Variants in ITPA observed in about 807,000 individuals in gnomAD.
The protein encoded by ITPA is inosine triphosphatase.
ITPA carries 29 observed loss-of-function variants against 29.6 expected under a neutral mutation model. The ratio of observed to expected loss-of-function variants is 0.98; its 90% CI spans 0.73 to 1.34. The LOEUF (loss-of-function observed/expected upper bound fraction) is 1.34, where lower values mean the gene tolerates loss of function less well. ITPA is among the 40% of genes most tolerant of loss of function. The pLI is 0.00. For missense variants in ITPA, 241 were observed against 251.5 expected (o/e 0.96, Z 0.28); for synonymous variants, 103 against 99.3 (o/e 1.04, Z -0.22).
upstream of ITPA, among the ~76,000 whole-genome samples, chr20:3,206,362 T>C (rs192648958): frequency 4.0e-4 from 46 of 115,602 alleles, no homozygotes; most frequent in African/African-American, 1.5e-3. Flanking sequence ...CACTCCAGCC[T>C]GGGCAACAGA....
intron 6 of ITPA, chr20:3,218,958 T>C: frequency 4.8e-6 from 2 of 416,730 alleles, no homozygotes; most frequent in South Asian, 2.2e-5. Flanking sequence ...GGCTAACAGC[T>C]CCTGAGGCCT....
intron 5 of ITPA, 102 bp from the exon 6 acceptor site, chr20:3,218,415 C>T (rs965881317): frequency 1.2e-6 from 1 of 842,242 alleles, no homozygotes; most frequent in Non-Finnish European, 2.0e-6. Context: ...CTAATTTCCC[C>T]TTTTAGGGAA....
intron 7 of ITPA, 66 bp downstream of exon 7, chr20:3,221,983 G>A: frequency 1.3e-6 from 2 of 1,483,048 alleles, no homozygotes; most frequent in Non-Finnish European, 1.9e-6. Context: ...GGTTGGGCCA[G>A]TGCCCCGCCC....
intron 5 of ITPA, among the ~76,000 whole-genome samples, chr20:3,215,878 G>T (rs528476772): frequency 1.3e-5 from 2 of 151,890 alleles, no homozygotes; most frequent in Non-Finnish European, 2.9e-5. Flanking sequence ...TAGAGAGGGG[G>T]TTTCACCATG....
At chr20:3,214,811 C>G (rs112919782) in intron 4 of ITPA, among the ~76,000 whole-genome samples, 1 of 152,104 alleles carries the variant, frequency 6.6e-6, no homozygotes, top group African/African-American at 2.4e-5. Context: ...CATCTCCTGA[C>G]CTCGTGATCT....
upstream of ITPA, among the ~76,000 whole-genome samples, chr20:3,206,873 G>A (rs1365261431): frequency 6.6e-6 from 1 of 151,618 alleles, no homozygotes; most frequent in Non-Finnish European, 1.5e-5. Flanking sequence ...AATTAACCAG[G>A]CATGGTGGTG....
rs533416232 is a variant in ITPA, at chr20:3,212,758, T to A, written c.67-411T>A. The stretch of plus-strand genomic sequence containing the variant: ...GTAATATTTTGGTTTGTTACCTATA[T>A]TCATAATTGAAAAAGTTACTACATT... On this transcript the variant is annotated intron_variant, in intron 1 of 7. Coordinates refer to ENST00000380113, the MANE Select transcript of ITPA (RefSeq NM_033453.4). Among the ~76,000 whole-genome samples, 3 of 152,342 alleles carry A rather than the reference T, an allele frequency of 2.0e-5. No homozygotes were observed. The East Asian group carries it at 5.8e-4, about 29-fold the overall frequency.
intron 6 of ITPA, among the ~76,000 whole-genome samples, chr20:3,220,248 G>C (rs1287361281): frequency 1.3e-5 from 2 of 152,010 alleles, no homozygotes; most frequent in African/African-American, 4.8e-5. Flanking sequence ...GGTAGAGACA[G>C]GGTTTCACTA....
chr20:3,217,083 G>A (rs976090819), intron 5 of ITPA, among the ~76,000 whole-genome samples: 4 of 151,616 alleles, frequency 2.6e-5, no homozygotes, highest in East Asian at 1.9e-4. Context: ...GTTTCACCAC[G>A]TTGGCCATGC....
chr20:3,221,736 G>T, intron 6 of ITPA, 105 bp from the exon 7 acceptor site: 2 of 1,057,536 alleles, frequency 1.9e-6, no homozygotes, highest in Non-Finnish European at 1.5e-6. Flanking sequence ...GCGTAAGTTG[G>T]GTCAAATCAA....
At chr20:3,218,801 G>A (rs2067382802) in intron 6 of ITPA, 169 bp downstream of exon 6, 3 of 667,028 alleles carry the variant, frequency 4.5e-6, no homozygotes, top group Non-Finnish European at 8.2e-6. Context: ...AAGTGCTGTG[G>A]ATCCTAGGAG....
chr20:3,218,188 G>A (rs1344298441), intron 5 of ITPA, among the ~76,000 whole-genome samples: 1 of 151,852 alleles, frequency 6.6e-6, no homozygotes, highest in Non-Finnish European at 1.5e-5. Context: ...AAAGTGCTGG[G>A]ATTACTGGCA....
At chr20:3,224,407 A>AG (rs199515379), downstream of ITPA, among the ~76,000 whole-genome samples, 1,542 of 152,214 alleles carry the variant, frequency 0.01, 25 homozygotes, top group African/African-American at 0.035. Context: ...AGGATATTCA[A>AG]GGGGGGCGTG....
intron 5 of ITPA, 61 bp from the exon 6 acceptor site, chr20:3,218,456 T>A: frequency 8.4e-7 from 1 of 1,186,224 alleles, no homozygotes; most frequent in South Asian, 1.2e-5. Flanking sequence ...GTGGGCGTCT[T>A]GGGAGTGGGG....
chr20:3,216,361 T>C (rs1169175827), intron 5 of ITPA, among the ~76,000 whole-genome samples: 2 of 150,962 alleles, frequency 1.3e-5, no homozygotes, highest in African/African-American at 4.9e-5. Context: ...GATTTCACCA[T>C]GTAGGCCAGG....
At chr20:3,217,924 T>TTTTTTTC (rs1555774482) in intron 5 of ITPA, among the ~76,000 whole-genome samples, 1 of 146,742 alleles carries the variant, frequency 6.8e-6, no homozygotes, top group Non-Finnish European at 1.5e-5. Flanking sequence ...TTGTTTTTGT[T>TTTTTTTC]TTTTCTTTCC....
upstream of ITPA, chr20:3,209,163 T>G: frequency 6.3e-6 from 2 of 317,628 alleles, no homozygotes; most frequent in Non-Finnish European, 6.1e-6. The surrounding 1 kb of genome is among the most constrained non-coding windows in gnomAD (Gnocchi z 4.6). Flanking sequence ...AAGGAGGCAG[T>G]TTTTTGAGAC....
At chr20:3,221,214 CTTTT>C (rs989256246) in intron 6 of ITPA, among the ~76,000 whole-genome samples, 1 of 142,020 alleles carries the variant, frequency 7.0e-6, no homozygotes, top group Non-Finnish European at 1.5e-5. Flanking sequence ...TCTTTTCTTT[CTTTT>C]TTTTTTTTAC....
intron 6 of ITPA, chr20:3,218,954 C>T (rs2067387452): frequency 2.4e-6 from 1 of 425,346 alleles, no homozygotes. Context: ...AGTTGGCTAA[C>T]AGCTCCTGAG....
Sources: allele counts gnomAD v4.1 joint callset (sites outside exome capture counted in the v4.1 genomes callset), GRCh38; gene constraint gnomAD v4.1.1; non-coding constraint Gnocchi (gnomAD v3.1); transcripts MANE v1.5; gene names NCBI Gene and HGNC (gene_info 2026-07-23, HGNC 2026-07-21).